The following NBEAL1 variants were observed in gnomAD, a reference collection of about 807,000 sequenced individuals.
NBEAL1 encodes the protein neurobeachin like 1.
Under a neutral mutation model 351.3 loss-of-function variants are expected in NBEAL1, and 273 were observed. The ratio of observed to expected loss-of-function variants is 0.78; its 90% CI spans 0.70 to 0.86. The LOEUF (loss-of-function observed/expected upper bound fraction) is 0.86. NBEAL1 is among the 40% of genes least tolerant of loss of function. The pLI, the probability that NBEAL1 is intolerant of heterozygous loss-of-function variation, is 0.00. For missense variants in NBEAL1, 2,961 were observed against 3,201.3 expected (o/e 0.92, Z 1.81); for synonymous variants, 1,050 against 1,086.4 (o/e 0.97, Z 0.66).
chr2:203,039,972 C>T, intron 2 of NBEAL1: 2 of 512,100 alleles, frequency 3.9e-6, no homozygotes, highest in Non-Finnish European at 6.9e-6. Flanking sequence ...GTGGAGGGAA[C>T]ATGATAAGGT....
intron 29 of NBEAL1, among the ~76,000 whole-genome samples, chr2:203,137,551 G>A (rs894058323): frequency 1.3e-5 from 2 of 152,168 alleles, no homozygotes; most frequent in Non-Finnish European, 2.9e-5. Flanking sequence ...ACTAATTTAA[G>A]TATCTCATGA....
chr2:203,052,912 G>C (rs1052822842), intron 4 of NBEAL1, among the ~76,000 whole-genome samples: 29 of 151,838 alleles, frequency 1.9e-4, no homozygotes, highest in Non-Finnish European at 3.5e-4. Context: ...TAGCTTGATA[G>C]CCCATTTCTT....
chr2:203,112,875 G>C (rs2062603858), intron 16 of NBEAL1, 140 bp from the exon 17 acceptor site: 2 of 877,766 alleles, frequency 2.3e-6, no homozygotes, highest in Non-Finnish European at 3.2e-6. Flanking sequence ...TTCATGATTT[G>C]GTAAAAATAA....
intron 2 of NBEAL1, among the ~76,000 whole-genome samples, chr2:203,018,768 A>G (rs1202899941): frequency 6.6e-6 from 1 of 152,112 alleles, no homozygotes; most frequent in Non-Finnish European, 1.5e-5. Context: ...ATAACTGTCA[A>G]TTTGCCCTAT....
intron 35 of NBEAL1, among the ~76,000 whole-genome samples, chr2:203,155,541 A>G (rs764627247): frequency 6.6e-6 from 1 of 151,988 alleles, no homozygotes; most frequent in Non-Finnish European, 1.5e-5. Flanking sequence ...GGCTCAAGTG[A>G]TCCTCCTTGC....
chr2:203,146,961 T>C (rs1024488240), intron 33 of NBEAL1, among the ~76,000 whole-genome samples: 1 of 152,106 alleles, frequency 6.6e-6, no homozygotes, highest in African/African-American at 2.4e-5. Context: ...GAAAAAGCAC[T>C]TGAAAAAACT....
chr2:203,042,317 G>A (rs1375883563), intron 3 of NBEAL1, among the ~76,000 whole-genome samples: 4 of 152,182 alleles, frequency 2.6e-5, no homozygotes, highest in African/African-American at 4.8e-5. Flanking sequence ...TTGTGATTAC[G>A]GCTTTATTGT....
chr2:203,091,526 A>AT (rs1356484169), intron 10 of NBEAL1, among the ~76,000 whole-genome samples: 1 of 152,056 alleles, frequency 6.6e-6, no homozygotes, highest in East Asian at 1.9e-4. Flanking sequence ...ACTTTTTAAT[A>AT]TTTTTTGAGG....
chr2:203,049,798 T>C lies in NBEAL1; in HGVS notation c.144-16T>C, dbSNP rs148496712. On this transcript the variant is annotated splice_polypyrimidine_tract_variant and intron_variant, in intron 3 of 55. Coordinates refer to ENST00000683969, the MANE Select transcript of NBEAL1 (RefSeq NM_001378026.1). ...TATTTCAACAGGCTTCTTATTTTTT[T>C]CCCTTTCTGTTGTAGGGTAGATGAT... is the stretch of plus-strand genomic sequence containing the variant. 1.2e-4 allele frequency: 179 copies of C among 1,497,400 alleles called. 2 individuals carry two copies. In the East Asian group the frequency reaches 4.1e-3, roughly 34 times the overall value. The allele number at this position is 1,497,400 out of a possible 1,614,324, so 92.8% of individuals were successfully genotyped here. A position where few individuals can be genotyped will look rare whatever the true frequency, so the allele number is the denominator to read the frequency against.
chr2:203,220,787 A>G lies in NBEAL1; in HGVS notation c.*3433A>G, dbSNP rs1559074499. ...ATCAGGGCATAAAAATCAGGAAAGTATATAAAAATGAAGTTTGGCAAGTTG... is the reference window on the plus strand; with the variant it reads ...ATCAGGGCATAAAAATCAGGAAAGTGTATAAAAATGAAGTTTGGCAAGTTG... On this transcript the variant is annotated 3_prime_UTR_variant, in exon 56 of 56. Coordinates refer to ENST00000683969, the MANE Select transcript of NBEAL1 (RefSeq NM_001378026.1). Among the ~76,000 whole-genome samples, 1 of 152,206 alleles carries G rather than the reference A, an allele frequency of 6.6e-6. No homozygotes were observed.
At chr2:203,048,765 T>C (rs1034211606) in intron 3 of NBEAL1, among the ~76,000 whole-genome samples, 25 of 152,310 alleles carry the variant, frequency 1.6e-4, no homozygotes, top group African/African-American at 6.0e-4. Context: ...ATGTCTGATG[T>C]TGGCATTTGC....
intron 44 of NBEAL1, among the ~76,000 whole-genome samples, chr2:203,184,092 A>G (rs901196012): frequency 6.0e-5 from 9 of 151,104 alleles, no homozygotes; most frequent in East Asian, 1.9e-4. Flanking sequence ...AAAAAAAAAA[A>G]AAAAAAAGAA....
chr2:203,126,209 TA>T, intron 21 of NBEAL1, 116 bp downstream of exon 21: 1 of 1,044,304 alleles, frequency 9.6e-7, no homozygotes, highest in Non-Finnish European at 1.4e-6. Flanking sequence ...TGAATTATAT[TA>T]ATGGATATAA....
rs1200071022 is a variant in NBEAL1 at position 203,127,899 on chromosome 2, A to C, written c.3367A>C (p.Ile1123Leu). The C allele has an allele frequency of 1.3e-6, 2 of 1,552,244 alleles. No individual in the cohort carries two copies. Among genetic ancestry groups the C allele is most frequent in the Non-Finnish European group, 1.7e-6 (2 of 1,146,202 alleles). ...KGGSHEEIQS[I>L]MGYIAATNEE... ...TGGATCTCATGAAGAGATACAAAGT[A>C]TTATGGGGTACATAGCTGCTACTAA... The change falls in exon 24 of 56, where the codon ATT (isoleucine) becomes CTT (leucine). Residue 1123 changes from isoleucine to leucine, a missense_variant. Physicochemically the swap from Ile to Leu is conservative, Grantham distance 5. Coordinates refer to ENST00000683969, the MANE Select transcript of NBEAL1 (RefSeq NM_001378026.1).
intron 36 of NBEAL1, 51 bp downstream of exon 36, chr2:203,157,876 A>C: frequency 7.2e-7 from 1 of 1,379,926 alleles, no homozygotes; most frequent in Non-Finnish European, 9.5e-7. Flanking sequence ...GGATTGCAAA[A>C]TCGTGGAAAA....
At chr2:203,162,019 A>ATTTTTTTTTTTT (rs780529337) in intron 36 of NBEAL1, among the ~76,000 whole-genome samples, 2 of 107,226 alleles carry the variant, frequency 1.9e-5, no homozygotes, top group Non-Finnish European at 3.9e-5. Flanking sequence ...ATTTGATTTG[A>ATTTTTTTTTTTT]TTTTTTTTTT....
intron 43 of NBEAL1, 55 bp downstream of exon 43, chr2:203,180,567 AAAATGTCTTTCAGGACATTTTTGT>A: frequency 6.7e-7 from 1 of 1,497,482 alleles, no homozygotes; most frequent in Non-Finnish European, 9.0e-7. Flanking sequence ...AGGAGCCTCA[AAAATGTCTTTCAGGACATTTTTGT>A]AATATCCTGT....
intron 36 of NBEAL1, among the ~76,000 whole-genome samples, chr2:203,158,137 A>C (rs2063845627): frequency 6.6e-6 from 1 of 152,212 alleles, no homozygotes; most frequent in African/African-American, 2.4e-5. Context: ...ATAAACTGTT[A>C]AGCAAAAGAA....
At chr2:203,070,298 C>T (rs1224000023) in intron 7 of NBEAL1, among the ~76,000 whole-genome samples, 1 of 150,866 alleles carries the variant, frequency 6.6e-6, no homozygotes, top group Non-Finnish European at 1.5e-5. Context: ...ATATTTCTGG[C>T]CCAAACTACC....
Sources: gnomAD v4.1 joint callset for allele counts (sites outside exome capture counted in the v4.1 genomes callset) on GRCh38, gnomAD v4.1.1 for gene constraint, MANE v1.5 for transcripts, NCBI Gene and HGNC (gene_info 2026-07-23, HGNC 2026-07-21) for gene names.